The following NCAM2 variants were observed in gnomAD, a reference collection of about 807,000 sequenced individuals.
NCAM2 encodes neural cell adhesion molecule 2.
Under a neutral mutation model 98.1 loss-of-function variants are expected in NCAM2, and 30 were observed. That is an observed-to-expected ratio of 0.31 (90% confidence interval 0.23 to 0.41). NCAM2 has a LOEUF of 0.41. Ranked by LOEUF, NCAM2 falls within the 10% of genes least tolerant of loss-of-function variation. The pLI, the probability that NCAM2 is intolerant of heterozygous loss-of-function variation, is 1.00. For missense variants in NCAM2, 867 were observed against 1,005.8 expected, an observed-to-expected ratio of 0.86 and a Z score of 1.87; for synonymous variants, 368 against 342.4, an observed-to-expected ratio of 1.07 and a Z score of -0.83.
intron 16 of NCAM2, among the ~76,000 whole-genome samples, chr21:21,518,798 A>T: frequency 6.6e-6 from 1 of 152,154 alleles, no homozygotes; most frequent in African/African-American, 2.4e-5. Flanking sequence ...AAGCAAAGCA[A>T]ACAATAATTT....
chr21:21,038,423 T>G (rs2064840153), intron 1 of NCAM2, among the ~76,000 whole-genome samples: 1 of 152,218 alleles, frequency 6.6e-6, no homozygotes, highest in South Asian at 2.1e-4. Context: ...CTTCTTGAAC[T>G]GTAATTCCCA....
chr21:21,382,411 A>T (rs1461528217), intron 9 of NCAM2, among the ~76,000 whole-genome samples: 1 of 151,890 alleles, frequency 6.6e-6, no homozygotes, highest in East Asian at 1.9e-4. Flanking sequence ...TGCCCTTCCA[A>T]TTAGGTAATG....
chr21:21,093,252 C>T (rs953466060), intron 1 of NCAM2, among the ~76,000 whole-genome samples: 1 of 152,020 alleles, frequency 6.6e-6, no homozygotes, highest in Non-Finnish European at 1.5e-5. Context: ...CCTTTTCTGC[C>T]TCCTGGAAAT....
chr21:21,327,306 C>CAAAAAAAAAAAAAAA (rs11384559), intron 6 of NCAM2, among the ~76,000 whole-genome samples: 15 of 82,182 alleles, frequency 1.8e-4, no homozygotes, highest in Non-Finnish European at 3.0e-4. Flanking sequence ...GACTCTGTCT[C>CAAAAAAAAAAAAAAA]AAAAAAAAAA....
chr21:21,169,796 T>C (rs1601554772), intron 1 of NCAM2, among the ~76,000 whole-genome samples: 1 of 151,340 alleles, frequency 6.6e-6, no homozygotes, highest in Admixed American at 6.6e-5. Flanking sequence ...AAATAAAAAA[T>C]AAAATATAAA....
chr21:21,055,858 T>C (rs1322104721), intron 1 of NCAM2, among the ~76,000 whole-genome samples: 1 of 152,080 alleles, frequency 6.6e-6, no homozygotes, highest in Non-Finnish European at 1.5e-5. Flanking sequence ...AACATGTAAA[T>C]ACAATGCTGG....
chr21:21,182,076 G>A (rs79868018), intron 1 of NCAM2, among the ~76,000 whole-genome samples: 1,649 of 150,302 alleles, frequency 0.011, 35 homozygotes, highest in Admixed American at 0.036. Context: ...ACTGTATCCC[G>A]AGCACCTGGA....
chr21:21,242,518 T>G (rs1428197822), intron 1 of NCAM2, among the ~76,000 whole-genome samples: 4 of 152,204 alleles, frequency 2.6e-5, no homozygotes, highest in African/African-American at 9.6e-5. Flanking sequence ...ATAACTCTGG[T>G]CATCTCCATT....
intron 9 of NCAM2, among the ~76,000 whole-genome samples, chr21:21,391,667 T>G (rs923951365): frequency 6.6e-6 from 1 of 152,202 alleles, no homozygotes; most frequent in African/African-American, 2.4e-5. Context: ...TGCTTTAGTA[T>G]TGTGGACATG....
At chr21:21,030,436 T>G (rs1182970938) in intron 1 of NCAM2, among the ~76,000 whole-genome samples, 1 of 152,180 alleles carries the variant, frequency 6.6e-6, no homozygotes, top group African/African-American at 2.4e-5. Context: ...TTCCCTCCTC[T>G]TCTGTCATCA....
chr21:21,099,310 A>G (rs1306723517), intron 1 of NCAM2, among the ~76,000 whole-genome samples: 1 of 151,906 alleles, frequency 6.6e-6, no homozygotes, highest in Non-Finnish European at 1.5e-5. Context: ...TAAAGGTACA[A>G]ATAAATGAGA....
At chr21:21,028,775 T>C (rs1331421741) in intron 1 of NCAM2, among the ~76,000 whole-genome samples, 1 of 152,214 alleles carries the variant, frequency 6.6e-6, no homozygotes, top group Non-Finnish European at 1.5e-5. Context: ...AAAATCAGTG[T>C]TTCCATATGA....
At chr21:21,296,157 G>A (rs1182226020) in intron 5 of NCAM2, among the ~76,000 whole-genome samples, 1 of 151,810 alleles carries the variant, frequency 6.6e-6, no homozygotes, top group Non-Finnish European at 1.5e-5. Context: ...ACTTAGAGTT[G>A]TAGCTCAACA....
At chr21:21,421,041 T>G (rs949472914) in intron 11 of NCAM2, among the ~76,000 whole-genome samples, 1 of 151,720 alleles carries the variant, frequency 6.6e-6, no homozygotes, top group Non-Finnish European at 1.5e-5. Flanking sequence ...TATGTATATA[T>G]AATGTTATTA....
intron 1 of NCAM2, chr21:21,239,506 A>G (rs1329756989): frequency 6.6e-6 from 1 of 152,204 alleles, no homozygotes; most frequent in Non-Finnish European, 1.5e-5. Flanking sequence ...TTAGGGTGAT[A>G]TTAGTAAAAG....
At chr21:21,464,390 G>T (rs559150301) in intron 12 of NCAM2, among the ~76,000 whole-genome samples, 2 of 152,170 alleles carry the variant, frequency 1.3e-5, no homozygotes, top group South Asian at 2.1e-4. Flanking sequence ...AGCATGGGGC[G>T]TATGAGCCTA....
At chr21:21,127,731 A>G (rs1236374481) in intron 1 of NCAM2, among the ~76,000 whole-genome samples, 2 of 152,102 alleles carry the variant, frequency 1.3e-5, no homozygotes, top group African/African-American at 4.8e-5. Flanking sequence ...TGTGCTTGGC[A>G]TATTTCATTG....
chr21:21,431,320 A>ATT lies in NCAM2; in HGVS notation c.1481-777_1481-776dup, dbSNP rs11405435. On this transcript the variant is annotated intron_variant, in intron 11 of 17. Coordinates refer to ENST00000400546, the MANE Select transcript of NCAM2 (RefSeq NM_004540.5). ...GAGTTTTCAAAAATCCCTCACTGGGATTTTTTTTTTTTCTAGTTCTGCGTG... is the reference window on the plus strand; with the variant it reads ...GAGTTTTCAAAAATCCCTCACTGGGATTTTTTTTTTTTTTCTAGTTCTGCGTG... 2.9e-3 allele frequency among the ~76,000 whole-genome samples: 433 copies of ATT among 147,080 alleles called. 4 individuals are homozygous for ATT. The highest frequency in any genetic ancestry group is 9.8e-3 in the African/African-American group (393 of 40,256).
chr21:21,275,418 C>T (rs369018094), intron 1 of NCAM2, among the ~76,000 whole-genome samples: 2 of 149,460 alleles, frequency 1.3e-5, no homozygotes. Context: ...CCAGCCTGGG[C>T]GACAGAGCGA....
Sources: gnomAD v4.1 joint callset for allele counts (sites outside exome capture counted in the v4.1 genomes callset) on GRCh38, gnomAD v4.1.1 for gene constraint, MANE v1.5 for transcripts, NCBI Gene and HGNC (gene_info 2026-07-23, HGNC 2026-07-21) for gene names.